PTPRN2: variants seen among roughly 807,000 people sequenced by gnomAD.
The protein encoded by PTPRN2 is protein tyrosine phosphatase receptor type N2, also known as receptor-type tyrosine-protein phosphatase N2.
A neutral mutation model predicts 118.8 loss-of-function variants in PTPRN2; 74 were observed. That is an observed-to-expected ratio of 0.62 (90% CI 0.52 to 0.76). The LOEUF (loss-of-function observed/expected upper bound fraction) is 0.76. Among genes scored for constraint, PTPRN2 ranks in the 30% least tolerant of loss-of-function variants. The pLI is 0.00. For missense variants in PTPRN2, 1,481 were observed against 1,394.4 expected (o/e 1.06, Z -0.99); for synonymous variants, 641 against 608.0 (o/e 1.05, Z -0.80).
chr7:158,335,660 TAA>T (rs1302312525), intron 2 of PTPRN2, among the ~76,000 whole-genome samples: 1 of 15,506 alleles, frequency 6.4e-5, no homozygotes, highest in African/African-American at 1.9e-4. Flanking sequence ...CTTCTCACCA[TAA>T]GAGGTGACAC....
At chr7:158,274,676 G>A (rs1016812266) in intron 3 of PTPRN2, among the ~76,000 whole-genome samples, 1 of 152,172 alleles carries the variant, frequency 6.6e-6, no homozygotes, top group Non-Finnish European at 1.5e-5. Flanking sequence ...TGCCTGGGAC[G>A]ACATTACTGC....
intron 12 of PTPRN2, among the ~76,000 whole-genome samples, chr7:157,740,707 C>A (rs1242488547): frequency 6.6e-6 from 1 of 152,166 alleles, no homozygotes; most frequent in East Asian, 1.9e-4. Flanking sequence ...AAACAATCCA[C>A]GAGCTAATGA....
intron 6 of PTPRN2, among the ~76,000 whole-genome samples, chr7:158,147,358 A>ACG (rs1563511247): frequency 7.2e-5 from 1 of 13,912 alleles, no homozygotes; most frequent in African/African-American, 5.5e-4. Flanking sequence ...CACGCCACGT[A>ACG]TCTTTCCCCC....
At chr7:157,652,093 A>G (rs1409271006) in intron 14 of PTPRN2, among the ~76,000 whole-genome samples, 1 of 152,202 alleles carries the variant, frequency 6.6e-6, no homozygotes, top group Non-Finnish European at 1.5e-5. Flanking sequence ...CCAGAAGAAA[A>G]CTGGAATTTT....
chr7:158,020,558 C>T (rs1297662420), intron 11 of PTPRN2, among the ~76,000 whole-genome samples: 2 of 152,088 alleles, frequency 1.3e-5, no homozygotes, highest in African/African-American at 4.8e-5. Flanking sequence ...GAGAGGCCGG[C>T]CCGGGGTCAT....
chr7:157,609,451 C>T lies in PTPRN2; in HGVS notation c.2345-5376G>A, dbSNP rs12673207. Among the ~76,000 whole-genome samples the T allele has an allele frequency of 0.023, 3,565 of 152,194 alleles. 211 individuals are homozygous for T. The East Asian group carries it at 0.24, about 10-fold the overall frequency. On this transcript the variant is annotated intron_variant, in intron 15 of 22. Transcript: ENST00000389418. The surrounding 1 kb of genome is among the most constrained non-coding windows in gnomAD (Gnocchi z 4.9). ...ATTTCTCAGATGTTCCATATTTTCACGGATTAGATCCTCTTCTCTCATCCT... is the reference window on the plus strand; with the variant it reads ...ATTTCTCAGATGTTCCATATTTTCATGGATTAGATCCTCTTCTCTCATCCT...
chr7:158,460,766 C>G (rs1278997435), intron 2 of PTPRN2, among the ~76,000 whole-genome samples: 1 of 152,274 alleles, frequency 6.6e-6, no homozygotes, highest in Non-Finnish European at 1.5e-5. Context: ...CCTCAACCAT[C>G]GTTCATGATC....
At position 157,613,349 on chromosome 7, in the gene PTPRN2, C is replaced by T. The variant is rs77083683; in HGVS notation, c.2344+8013G>A. The stretch of plus-strand genomic sequence containing the variant: ...ACAAAACCAACAGTTCCGGTCTCTT[C>T]CGATAGTTCTGGCAGAGACGGCTGC... On this transcript the variant is annotated intron_variant, in intron 15 of 22. Transcript: ENST00000389418. Among the ~76,000 whole-genome samples the T allele has an allele frequency of 6.3e-3, 963 of 152,372 alleles. 5 individuals are homozygous for T. Among genetic ancestry groups the T allele is most frequent in the Non-Finnish European group, 9.7e-3 (657 of 68,042 alleles).
chr7:158,188,186 C>CCGCCACGCTCGCCCCCT (rs1563576303), intron 5 of PTPRN2, among the ~76,000 whole-genome samples: 2 of 57,964 alleles, frequency 3.5e-5, no homozygotes, highest in Non-Finnish European at 8.1e-5. Context: ...GCTCGCCCCG[C>CCGCCACGCTCGCCCCCT]GATGGGGAAG....
At chr7:157,556,978 C>T (rs1450159594) in intron 21 of PTPRN2, among the ~76,000 whole-genome samples, 27 of 148,102 alleles carry the variant, frequency 1.8e-4, no homozygotes, top group Admixed American at 1.8e-3. Flanking sequence ...CACACATGCA[C>T]ACACAATGTC....
chr7:157,776,837 TTCCTCCTCCCTCTCC>T (rs1269616221), intron 12 of PTPRN2, among the ~76,000 whole-genome samples: 772 of 29,060 alleles, frequency 0.027, 16 homozygotes, highest in African/African-American at 0.099. Flanking sequence ...CCTCCCTCTC[TTCCTCCTCCCTCTCC>T]TCCTCCTCCC....
chr7:158,380,874 G>C (rs1314146216), intron 2 of PTPRN2, among the ~76,000 whole-genome samples: 1 of 152,256 alleles, frequency 6.6e-6, no homozygotes, highest in Admixed American at 6.5e-5. Flanking sequence ...TGACTTCTGT[G>C]CACCTGCAGG....
chr7:157,602,253 C>G (rs367545743), intron 16 of PTPRN2, among the ~76,000 whole-genome samples: 1 of 152,268 alleles, frequency 6.6e-6, no homozygotes, highest in Admixed American at 6.5e-5. Context: ...TCTCTCAAAG[C>G]TGAACATGCT....
At chr7:158,337,101 T>G (rs1805743846) in intron 2 of PTPRN2, among the ~76,000 whole-genome samples, 1 of 151,644 alleles carries the variant, frequency 6.6e-6, no homozygotes, top group Non-Finnish European at 1.5e-5. Context: ...ACCCACACTC[T>G]CACCATAAGA....
intron 5 of PTPRN2, 84 bp downstream of exon 5, chr7:158,192,243 G>A (rs1337021435): frequency 7.5e-7 from 1 of 1,331,196 alleles, no homozygotes; most frequent in African/African-American, 1.6e-5. Context: ...GCCAAGAGGA[G>A]CCAGCGACTA....
intron 11 of PTPRN2, among the ~76,000 whole-genome samples, chr7:157,962,543 T>C (rs1217045339): frequency 6.6e-6 from 1 of 152,200 alleles, no homozygotes; most frequent in Non-Finnish European, 1.5e-5. Context: ...CACAGATTAT[T>C]TTCATCAATG....
rs569759708 is a variant in PTPRN2, at chr7:158,492,222, C to T, written c.113-2437G>A. On this transcript the variant is annotated intron_variant, in intron 1 of 22. Coordinates refer to ENST00000389418, the MANE Select transcript of PTPRN2 (RefSeq NM_002847.5). ...CGATGTCGTGGAACGTCCCTGGTCC[C>T]GGCTCTGGCAGGAGCTGCAGGACTC... Among the ~76,000 whole-genome samples the T allele has an allele frequency of 5.9e-5, 9 of 152,320 alleles. No individual in the cohort carries two copies. The East Asian group carries it at 1.5e-3, about 26-fold the overall frequency.
intron 12 of PTPRN2, among the ~76,000 whole-genome samples, chr7:157,768,452 G>A (rs1156843027): frequency 6.6e-6 from 1 of 152,142 alleles, no homozygotes; most frequent in African/African-American, 2.4e-5. Context: ...CGGGCCGGAC[G>A]CCCCACGCTG....
In PTPRN2 at chr7:157,881,732, T is replaced by C. The variant is rs1796142384; in HGVS notation, c.1788+16941A>G. Among the ~76,000 whole-genome samples, 1 of 146,946 alleles carries C rather than the reference T, an allele frequency of 6.8e-6. No homozygotes were observed. The highest frequency in any genetic ancestry group is 2.3e-4 in the South Asian group (1 of 4,354). On this transcript the variant is annotated intron_variant, in intron 12 of 22. Transcript: ENST00000389418. This position sits in a 1 kb window ranked among gnomAD's most constrained non-coding sequence, Gnocchi z 4.7. ...CTTCTTAAGAATGTTCTTTTTGCTT[T>C]ATGATCTCATTAAAAAAAAAAAAAT...
Sources: allele counts gnomAD v4.1 joint callset (sites outside exome capture counted in the v4.1 genomes callset), GRCh38; gene constraint gnomAD v4.1.1; non-coding constraint Gnocchi (gnomAD v3.1); transcripts MANE v1.5; gene names NCBI Gene and HGNC (gene_info 2026-07-23, HGNC 2026-07-21).